HCN1: variants seen among roughly 807,000 people sequenced by gnomAD.
The protein encoded by HCN1 is potassium/sodium hyperpolarization-activated cyclic nucleotide-gated channel 1.
A neutral mutation model predicts 78.9 loss-of-function variants in HCN1; 13 were observed. The ratio of observed to expected loss-of-function variants is 0.16; its 90% CI spans 0.11 to 0.26. The LOEUF (loss-of-function observed/expected upper bound fraction) is 0.26, where lower values mean the gene tolerates loss of function less well. Ranked by LOEUF, HCN1 falls within the 10% of genes least tolerant of loss-of-function variation. HCN1 has a pLI of 1.00. For missense variants in HCN1, 810 were observed against 1,154.3 expected (o/e 0.70, Z 4.32); for synonymous variants, 552 against 455.5 (o/e 1.21, Z -2.70).
chr5:45,625,382 T>C (rs565537643), intron 2 of HCN1, among the ~76,000 whole-genome samples: 2 of 152,256 alleles, frequency 1.3e-5, no homozygotes, highest in African/African-American at 4.8e-5. Flanking sequence ...CAGTCTGCCA[T>C]TTCCTAGAGT....
At chr5:45,412,692 G>C (rs1208946470) in intron 3 of HCN1, among the ~76,000 whole-genome samples, 1 of 152,038 alleles carries the variant, frequency 6.6e-6, no homozygotes, top group Non-Finnish European at 1.5e-5. Context: ...TATTCAAATA[G>C]CCTCCTTCCA....
intron 2 of HCN1, among the ~76,000 whole-genome samples, chr5:45,462,963 A>C (rs1741192003): frequency 6.6e-6 from 1 of 152,034 alleles, no homozygotes; most frequent in Non-Finnish European, 1.5e-5. Flanking sequence ...GCAGACCTAC[A>C]TTGTAGAACT....
chr5:45,259,879 A>G lies in HCN1; in HGVS notation c.*2042T>C, dbSNP rs2111834813. 6.5e-6 allele frequency: 1 copy of G among 152,718 alleles called. No individual in the cohort carries two copies. Among genetic ancestry groups the G allele is most frequent in the African/African-American group, 2.4e-5 (1 of 41,580 alleles). 9.5% of individuals were successfully genotyped at this position (152,718 alleles called of 1,614,324 possible). On this transcript the variant is annotated 3_prime_UTR_variant, in exon 8 of 8. Transcript: ENST00000303230. ...TAAAATAAAGGAGTTTTGTACTGAT[A>G]TGTAAATGGTCTTGCAGCTTTCCCA... is the stretch of plus-strand genomic sequence containing the variant.
chr5:45,523,486 G>A (rs968133928), intron 2 of HCN1, among the ~76,000 whole-genome samples: 1 of 152,090 alleles, frequency 6.6e-6, no homozygotes, highest in Non-Finnish European at 1.5e-5. Flanking sequence ...CAGTGTAAAA[G>A]TGTTCCTATT....
chr5:45,677,320 T>C (rs1206312241), intron 1 of HCN1, among the ~76,000 whole-genome samples: 1 of 151,830 alleles, frequency 6.6e-6, no homozygotes, highest in East Asian at 1.9e-4. Context: ...GGCTGGCACA[T>C]ACTAGGTGAT....
chr5:45,290,815 T>G (rs747616460), intron 6 of HCN1, among the ~76,000 whole-genome samples: 12 of 151,862 alleles, frequency 7.9e-5, no homozygotes, highest in South Asian at 2.1e-4. Flanking sequence ...TTTATATAAA[T>G]GCTGCAAATA....
chr5:45,374,233 A>ATAATGT (rs1747540762), intron 4 of HCN1, among the ~76,000 whole-genome samples: 4 of 118,836 alleles, frequency 3.4e-5, no homozygotes, highest in South Asian at 2.7e-4. Flanking sequence ...TTATATACAT[A>ATAATGT]ACATATATAT....
rs1740005445 is a variant in HCN1, at chr5:45,696,006, C to A, written c.88G>T (p.Ala30Ser). Reference sequence around the variant, plus strand: ...CGCTTCTCGGCCGCGGCCGGCCCCGCGCCCGTCGCGGACGCCTTGGCGGGG... The same window carrying A: ...CGCTTCTCGGCCGCGGCCGGCCCCGAGCCCGTCGCGGACGCCTTGGCGGGG... ...VFPAKASATG[A>S]GPAAAEKRLG... The change falls in exon 1 of 8, where the codon GCG becomes TCG. Residue 30 changes from alanine to serine, a missense_variant. Transcript: ENST00000303230. 1 of 1,300,894 alleles carries A rather than the reference C, an allele frequency of 7.7e-7. No individual in the cohort carries two copies. Among genetic ancestry groups the A allele is most frequent in the Non-Finnish European group, 9.8e-7 (1 of 1,018,998 alleles). The allele number at this position is 1,300,894 out of a possible 1,614,324, so 80.6% of individuals were successfully genotyped here. A position where few individuals can be genotyped will look rare whatever the true frequency, so the allele number is the denominator to read the frequency against.
intron 3 of HCN1, among the ~76,000 whole-genome samples, chr5:45,450,963 T>C (rs905961306): frequency 3.9e-5 from 6 of 152,178 alleles, no homozygotes; most frequent in Admixed American, 3.9e-4. Context: ...ATTTGGCTTC[T>C]ATCTCCTACT....
At chr5:45,333,707 T>A (rs1403574428) in intron 5 of HCN1, among the ~76,000 whole-genome samples, 1 of 151,804 alleles carries the variant, frequency 6.6e-6, no homozygotes, top group Non-Finnish European at 1.5e-5. Context: ...TGCATATGGA[T>A]ACCCAGTTTT....
Position 45,262,596 on chromosome 5 carries a change from C to G in HCN1, c.1998G>C (p.Pro666=), listed in dbSNP as rs758849997. Residue 666 remains proline, a synonymous_variant, in exon 8 of 8, where the codon CCG becomes CCC. Coordinates refer to ENST00000303230, the MANE Select transcript of HCN1 (RefSeq NM_021072.4). ...PTSRMRTQSP[P]VYTATSLSHS... is the part of the protein sequence containing the mutation. ...GAGACAGGCTGGTCGCTGTGTACAC[C>G]GGTGGAGATTGTGTCCTCATGCGGG... 29 of 1,613,802 alleles carry G rather than the reference C, an allele frequency of 1.8e-5. No individual in the cohort carries two copies. The highest frequency in any genetic ancestry group is 2.5e-5 in the Non-Finnish European group (29 of 1,179,986).
intron 2 of HCN1, among the ~76,000 whole-genome samples, chr5:45,572,937 A>T (rs1364012055): frequency 1.3e-5 from 2 of 152,154 alleles, no homozygotes; most frequent in Non-Finnish European, 2.9e-5. Context: ...GTGGGTAGGG[A>T]GGAACATTTC....
chr5:45,481,021 T>C (rs960184691), intron 2 of HCN1, among the ~76,000 whole-genome samples: 14 of 152,240 alleles, frequency 9.2e-5, no homozygotes, highest in African/African-American at 2.9e-4. Flanking sequence ...TTAAATAATG[T>C]TTGTTTCATG....
At chr5:45,447,589 T>A (rs1216214224) in intron 3 of HCN1, among the ~76,000 whole-genome samples, 1 of 152,172 alleles carries the variant, frequency 6.6e-6, no homozygotes. Flanking sequence ...GAAGACAGGA[T>A]CCTAAAGATG....
intron 1 of HCN1, among the ~76,000 whole-genome samples, chr5:45,650,744 A>G (rs1055474713): frequency 6.6e-6 from 1 of 152,014 alleles, no homozygotes; most frequent in African/African-American, 2.4e-5. Flanking sequence ...AGATTAGTCC[A>G]TGATACTAAA....
chr5:45,617,999 G>T (rs570967806), intron 2 of HCN1, among the ~76,000 whole-genome samples: 1 of 132,578 alleles, frequency 7.5e-6, no homozygotes, highest in East Asian at 1.9e-4. Flanking sequence ...CAAAGCGTAA[G>T]CTCTGATGCA....
In HCN1 at chr5:45,259,388, C is replaced by T. The variant is rs1579760287; in HGVS notation, c.*2533G>A. 1 of 152,280 alleles carries T rather than the reference C, an allele frequency of 6.6e-6. No individual in the cohort carries two copies. The highest frequency in any genetic ancestry group is 1.5e-5 in the Non-Finnish European group (1 of 67,898). The allele number at this position is 152,280 out of a possible 1,614,324, so 9.4% of individuals were successfully genotyped here. The stretch of plus-strand genomic sequence containing the variant: ...AAGAATCAGCTATTCTATTATCTTT[C>T]CAGCAGCAGAAAGACCAATGAATAA... On this transcript the variant is annotated 3_prime_UTR_variant, in exon 8 of 8. Coordinates refer to ENST00000303230, the MANE Select transcript of HCN1 (RefSeq NM_021072.4).
At chr5:45,381,096 T>G (rs978295025) in intron 4 of HCN1, among the ~76,000 whole-genome samples, 13 of 152,152 alleles carry the variant, frequency 8.5e-5, no homozygotes, top group Non-Finnish European at 1.9e-4. Context: ...AGTTAATTTA[T>G]GTAAGAATCT....
At chr5:45,361,626 C>G (rs1161151519) in intron 4 of HCN1, among the ~76,000 whole-genome samples, 1 of 152,158 alleles carries the variant, frequency 6.6e-6, no homozygotes, top group Non-Finnish European at 1.5e-5. Context: ...AGAATAATCT[C>G]TTCCAATACA....
Sources: gnomAD v4.1 joint callset for allele counts (sites outside exome capture counted in the v4.1 genomes callset) on GRCh38, gnomAD v4.1.1 for gene constraint, MANE v1.5 for transcripts, NCBI Gene and HGNC (gene_info 2026-07-23, HGNC 2026-07-21) for gene names.